The following ARHGEF28 variants were observed in gnomAD, a reference collection of about 807,000 sequenced individuals.
ARHGEF28 encodes the protein 190 kDa guanine nucleotide exchange factor.
ARHGEF28 carries 152 observed loss-of-function variants against 206.6 expected under a neutral mutation model. The ratio of observed to expected loss-of-function variants is 0.74; its 90% confidence interval spans 0.64 to 0.84. ARHGEF28 has a LOEUF of 0.84. Among genes scored for constraint, ARHGEF28 ranks in the 40% least tolerant of loss-of-function variants. The probability of loss-of-function intolerance (pLI) is 0.00; values close to 1 mark genes in which losing one functional copy is unlikely to be tolerated. For synonymous variants in ARHGEF28, 763 were observed against 776.4 expected, an observed-to-expected ratio of 0.98 and a Z score of 0.29; for missense variants, 2,028 against 2,073.2, an observed-to-expected ratio of 0.98 and a Z score of 0.42.
chr5:73,736,731 G>T (rs1441657131), intron 2 of ARHGEF28, among the ~76,000 whole-genome samples: 1 of 151,914 alleles, frequency 6.6e-6, no homozygotes, highest in Admixed American at 6.6e-5. Context: ...GATTGCTTCA[G>T]TAACATCTAT....
At position 73,840,552 on chromosome 5, in the gene ARHGEF28, T is replaced by C. The variant is rs767417665; in HGVS notation, c.1219T>C (p.Cys407Arg). 6.2e-7 allele frequency: 1 copy of C among 1,613,808 alleles called. No individual in the cohort carries two copies. Among genetic ancestry groups the C allele is most frequent in the Admixed American group, 1.7e-5 (1 of 59,988 alleles). Residue 407 changes from cysteine (C) to arginine (R), a missense_variant, in exon 11 of 36, where the codon TGC (cysteine) becomes CGC (arginine). Physicochemically the swap from Cys to Arg is radical, Grantham distance 180. This residue lies in a region of ARHGEF28 where 1,002 missense variants were observed against 1,015.3 expected (regional missense o/e 0.99). Transcript: ENST00000513042. ...CACTACCAGCCCTGAATCCAGAGGT[T>C]GCACTCTGTGGCCTCAGAGCAGCAA... ...TATTSPESRGCTLWPQSSKHT... is the reference protein window; with the variant it reads ...TATTSPESRGRTLWPQSSKHT...
At chr5:73,764,774 G>A (rs1752806268) in intron 4 of ARHGEF28, among the ~76,000 whole-genome samples, 1 of 152,112 alleles carries the variant, frequency 6.6e-6, no homozygotes, top group Non-Finnish European at 1.5e-5. Context: ...GTTTGTATTT[G>A]CAGTTCCTAT....
chr5:73,868,339 C>T lies in ARHGEF28; in HGVS notation c.2425+112C>T, dbSNP rs1333267407. ...TTTTTTTTTTCTTTTTCAAAGAAGT[C>T]TGTTTCAGGGTGTCTCTTTGGTATA... On this transcript the variant is annotated intron_variant, in intron 20 of 35. Coordinates refer to ENST00000513042, the MANE Select transcript of ARHGEF28 (RefSeq NM_001177693.2). The T allele has an allele frequency of 4.5e-6, 6 of 1,329,706 alleles. No individual in the cohort carries two copies. In the Middle Eastern group the frequency reaches 8.1e-4, roughly 180 times the overall value. The allele number at this position is 1,329,706 out of a possible 1,614,324, so 82.4% of individuals were successfully genotyped here. A position where few individuals can be genotyped will look rare whatever the true frequency, so the allele number is the denominator to read the frequency against.
intron 1 of ARHGEF28, chr5:73,627,422 C>T (rs895411115): frequency 1.2e-4 from 19 of 152,176 alleles, no homozygotes; most frequent in Non-Finnish European, 2.9e-5. Context: ...CCTGTTTTCA[C>T]TGCAAAAACA....
intron 35 of ARHGEF28, among the ~76,000 whole-genome samples, chr5:73,929,851 C>T (rs1244520319): frequency 2.6e-5 from 4 of 152,044 alleles, no homozygotes; most frequent in African/African-American, 9.7e-5. Context: ...ATATTTATAT[C>T]TAAAAACAAA....
At chr5:73,662,011 CAAAA>C (rs200526964) in intron 1 of ARHGEF28, among the ~76,000 whole-genome samples, 2,896 of 152,210 alleles carry the variant, frequency 0.019, 41 homozygotes, top group Middle Eastern at 0.061. Flanking sequence ...GCACAGAACA[CAAAA>C]AAGCAAAATG....
intron 4 of ARHGEF28, among the ~76,000 whole-genome samples, chr5:73,768,236 A>T (rs999534725): frequency 1.3e-5 from 2 of 152,184 alleles, no homozygotes; most frequent in Admixed American, 1.3e-4. Flanking sequence ...TCCTACTGGG[A>T]CACTGCCTAG....
intron 1 of ARHGEF28, among the ~76,000 whole-genome samples, chr5:73,634,758 C>A (rs1046440050): frequency 2.0e-5 from 3 of 152,172 alleles, no homozygotes; most frequent in Admixed American, 6.5e-5. Flanking sequence ...GATGTTCTTT[C>A]TCTCCTTTTT....
chr5:73,926,467 C>A (rs1045636645), intron 35 of ARHGEF28, among the ~76,000 whole-genome samples: 2 of 152,162 alleles, frequency 1.3e-5, no homozygotes, highest in African/African-American at 4.8e-5. Context: ...CCATTCAAGA[C>A]CCTCCCAAAC....
chr5:73,841,741 AAAAC>A (rs1480585180), intron 11 of ARHGEF28, among the ~76,000 whole-genome samples: 4 of 151,692 alleles, frequency 2.6e-5, no homozygotes. Flanking sequence ...GAGAAAAAGA[AAAAC>A]AAAATAATGA....
intron 23 of ARHGEF28, 32 bp from the exon 24 acceptor site, chr5:73,883,735 A>C (rs1284650877): frequency 7.1e-7 from 1 of 1,406,846 alleles, no homozygotes; most frequent in South Asian, 1.4e-5. Flanking sequence ...TACAGGTAGA[A>C]TTTGTGTACA....
rs78665972 is a variant in ARHGEF28 at position 73,658,139 on chromosome 5, T to A, written c.-11-26702T>A. Among the ~76,000 whole-genome samples, 344 of 146,598 alleles carry A rather than the reference T, an allele frequency of 2.3e-3. 1 individual carries two copies. The highest frequency in any genetic ancestry group is 6.7e-3 in the African/African-American group (266 of 39,836). On this transcript the variant is annotated intron_variant, in intron 1 of 35. Coordinates refer to ENST00000513042, the MANE Select transcript of ARHGEF28 (RefSeq NM_001177693.2). ...TTGGGTAGAAAGGAAGTCCTTTTTT[T>A]AAAAAAAAAAAAAACTCAATTAACA...
intron 20 of ARHGEF28, 52 bp downstream of exon 20, chr5:73,868,279 A>G (rs1759843138): frequency 6.6e-7 from 1 of 1,514,774 alleles, no homozygotes; most frequent in African/African-American, 1.4e-5. Context: ...GCATTTGCCA[A>G]AATGACACTG....
chr5:73,669,878 G>C (rs1446061222), intron 1 of ARHGEF28, among the ~76,000 whole-genome samples: 1 of 152,122 alleles, frequency 6.6e-6, no homozygotes, highest in East Asian at 1.9e-4. Flanking sequence ...GTAGAGACAG[G>C]GTTTTGCCAT....
At chr5:73,771,416 C>T (rs765322673) in intron 4 of ARHGEF28, among the ~76,000 whole-genome samples, 4 of 151,924 alleles carry the variant, frequency 2.6e-5, no homozygotes, top group Non-Finnish European at 5.9e-5. Flanking sequence ...GGGGTGATGG[C>T]GCGCACCTGT....
chr5:73,905,381 C>G (rs531188880), intron 33 of ARHGEF28: 4 of 151,686 alleles, frequency 2.6e-5, no homozygotes, highest in African/African-American at 9.7e-5. Context: ...CTACCTTAGA[C>G]CATGCAAAGA....
At chr5:73,830,470 C>T (rs912094865) in intron 9 of ARHGEF28, among the ~76,000 whole-genome samples, 7 of 149,838 alleles carry the variant, frequency 4.7e-5, no homozygotes, top group African/African-American at 1.7e-4. Flanking sequence ...AGGAGAATGG[C>T]GTGAACCTGG....
At chr5:73,935,283 C>G (rs1389575215) in intron 35 of ARHGEF28, among the ~76,000 whole-genome samples, 1 of 152,118 alleles carries the variant, frequency 6.6e-6, no homozygotes, top group Non-Finnish European at 1.5e-5. Flanking sequence ...CATGCCCACC[C>G]CACAGCACAC....
chr5:73,857,561 G>T, intron 14 of ARHGEF28, 95 bp from the exon 15 acceptor site: 3 of 1,187,702 alleles, frequency 2.5e-6, no homozygotes, highest in Middle Eastern at 4.3e-4. Context: ...ATACATATAT[G>T]TGTACACACA....
Sources: allele counts gnomAD v4.1 joint callset (sites outside exome capture counted in the v4.1 genomes callset), GRCh38; gene constraint gnomAD v4.1.1; regional missense constraint gnomAD v4.1.1; transcripts MANE v1.5; gene names NCBI Gene and HGNC (gene_info 2026-07-23, HGNC 2026-07-21).